Variants in CCNH observed in about 807,000 individuals in gnomAD.
CCNH encodes cyclin-H.
In CCNH, 31 loss-of-function variants were observed where a neutral mutation model predicts 41.9. That is an observed-to-expected ratio of 0.74 (90% CI 0.56 to 1.00). The LOEUF is 1.00. CCNH is among the 50% of genes least tolerant of loss of function. The pLI, the probability that CCNH is intolerant of heterozygous loss-of-function variation, is 0.00. For missense variants in CCNH, 362 were observed against 388.4 expected, an observed-to-expected ratio of 0.93 and a Z score of 0.57; for synonymous variants, 138 against 136.1, an observed-to-expected ratio of 1.01 and a Z score of -0.10.
chr5:87,396,336 A>T lies in CCNH; in HGVS notation c.873-1232T>A, dbSNP rs3093846. ...CTATAAAGCACTACAAACCACAAAA[A>T]TGTGGCCAGGTGCAGTGGCTCACGC... On this transcript the variant is annotated intron_variant, in intron 7 of 8. Coordinates refer to ENST00000256897, the MANE Select transcript of CCNH (RefSeq NM_001239.4). 1.3e-4 allele frequency among the ~76,000 whole-genome samples: 20 copies of T among 152,232 alleles called. No individual in the cohort carries two copies. The East Asian group carries it at 1.7e-3, about 13-fold the overall frequency.
At chr5:87,392,136 A>ACAT (rs1762571350), downstream of CCNH, 3 of 402,580 alleles carry the variant, frequency 7.5e-6, no homozygotes, top group Admixed American at 6.0e-5. Context: ...GACATATGGA[A>ACAT]CATACGTGGC....
At chr5:87,359,090 A>AG (rs767417646) in intron 9 of CCNH, among the ~76,000 whole-genome samples, 13 of 152,202 alleles carry the variant, frequency 8.5e-5, no homozygotes, top group African/African-American at 1.2e-4. Context: ...CCATGAGGAT[A>AG]GGGGTCTTTG....
At chr5:87,370,881 A>G (rs1760884425) in intron 9 of CCNH, among the ~76,000 whole-genome samples, 1 of 152,146 alleles carries the variant, frequency 6.6e-6, no homozygotes, top group East Asian at 1.9e-4. Context: ...ATAAACCTGA[A>G]TGAGCTTACA....
chr5:87,313,880 TG>T (rs1315138548), downstream of CCNH, among the ~76,000 whole-genome samples: 1 of 152,070 alleles, frequency 6.6e-6, no homozygotes, highest in Non-Finnish European at 1.5e-5. Flanking sequence ...TGAAAATGCA[TG>T]TTTGGGCCGG....
intron 9 of CCNH, among the ~76,000 whole-genome samples, chr5:87,350,618 C>T (rs1195126443): frequency 1.3e-5 from 2 of 150,982 alleles, no homozygotes; most frequent in Non-Finnish European, 3.0e-5. Context: ...TAAAGGTAGT[C>T]GCTTTTGGTT....
chr5:87,353,125 C>A (rs769823681), intron 9 of CCNH: 2 of 1,539,864 alleles, frequency 1.3e-6, no homozygotes, highest in Admixed American at 1.7e-5. Flanking sequence ...TTTTATGAGA[C>A]AGATTAATAC....
intron 1 of CCNH, 29 bp from the exon 2 acceptor site, chr5:87,411,375 C>CA (rs1411806391): frequency 6.4e-7 from 1 of 1,563,294 alleles, no homozygotes; most frequent in Non-Finnish European, 8.6e-7. Context: ...AACACAAGTT[C>CA]AATGAATTCA....
the CCNH span, among the ~76,000 whole-genome samples, chr5:87,311,682 C>A: frequency 2.6e-5 from 4 of 152,152 alleles, no homozygotes; most frequent in African/African-American, 7.2e-5. Context: ...GGAGAACTCA[C>A]CTGAGTCTTG....
downstream of CCNH, chr5:87,392,024 T>C: frequency 6.5e-6 from 2 of 309,334 alleles, no homozygotes; most frequent in Non-Finnish European, 6.3e-6. Flanking sequence ...AGGGAGAAGC[T>C]GAAGCTTTAG....
chr5:87,411,400 T>C (rs928023462), intron 1 of CCNH, 54 bp from the exon 2 acceptor site: 1 of 1,533,362 alleles, frequency 6.5e-7, no homozygotes, highest in Non-Finnish European at 8.8e-7. Flanking sequence ...ATTAAACAAT[T>C]GTAAAACATT....
At chr5:87,382,277 G>A (rs1177476816) in intron 9 of CCNH, among the ~76,000 whole-genome samples, 2 of 152,158 alleles carry the variant, frequency 1.3e-5, no homozygotes, top group Non-Finnish European at 2.9e-5. Flanking sequence ...TATAAATGCT[G>A]TTTGAGAAGT....
intron 9 of CCNH, among the ~76,000 whole-genome samples, chr5:87,353,576 TA>T (rs1431158725): frequency 2.6e-5 from 4 of 151,820 alleles, no homozygotes; most frequent in African/African-American, 9.7e-5. Flanking sequence ...TAAAAGGAAA[TA>T]AAAAATACTG....
At chr5:87,338,322 A>C (rs2112387462) in intron 9 of CCNH, among the ~76,000 whole-genome samples, 1 of 151,350 alleles carries the variant, frequency 6.6e-6, no homozygotes, top group East Asian at 1.9e-4. Context: ...TATGAATTAA[A>C]AATATATTAA....
chr5:87,406,809 G>C (rs1763827263), intron 4 of CCNH, among the ~76,000 whole-genome samples: 1 of 152,060 alleles, frequency 6.6e-6, no homozygotes, highest in South Asian at 2.1e-4. Flanking sequence ...CCCTGTTATT[G>C]ACTTAATCTA....
At chr5:87,332,778 T>C (rs888469237) in intron 9 of CCNH, 1 of 918,422 alleles carries the variant, frequency 1.1e-6, no homozygotes. Context: ...CGGGTTATAA[T>C]GTCAGAACAA....
At chr5:87,365,639 T>A (rs967813360) in intron 9 of CCNH, among the ~76,000 whole-genome samples, 1 of 152,084 alleles carries the variant, frequency 6.6e-6, no homozygotes, top group Non-Finnish European at 1.5e-5. Flanking sequence ...AGATGTTAAT[T>A]TTTCCCACCA....
intron 9 of CCNH, among the ~76,000 whole-genome samples, chr5:87,322,720 A>G (rs2112340696): frequency 6.6e-6 from 1 of 152,314 alleles, no homozygotes; most frequent in East Asian, 1.9e-4. Context: ...CAGTCTCAAG[A>G]CAGACTAACA....
chr5:87,338,536 A>ATATATATT, intron 9 of CCNH, among the ~76,000 whole-genome samples: 1,303 of 85,020 alleles, frequency 0.015, 66 homozygotes, highest in Non-Finnish European at 0.023. Context: ...TATATATAAA[A>ATATATATT]TTTTTTTTTT....
intron 9 of CCNH, chr5:87,333,387 C>G (rs560490945): frequency 6.2e-7 from 1 of 1,602,346 alleles, no homozygotes; most frequent in East Asian, 2.2e-5. Flanking sequence ...AGCTAGACTT[C>G]GAAGATTTAT....
Sources: gnomAD v4.1 joint callset for allele counts (sites outside exome capture counted in the v4.1 genomes callset) on GRCh38, gnomAD v4.1.1 for gene constraint, MANE v1.5 for transcripts, NCBI Gene and HGNC (gene_info 2026-07-23, HGNC 2026-07-21) for gene names.